FAM135B: variants seen among roughly 807,000 people sequenced by gnomAD.
FAM135B encodes the protein protein FAM135B.
Under a neutral mutation model 127.7 loss-of-function variants are expected in FAM135B, and 43 were observed. The observed-to-expected ratio is 0.34, with a 90% CI of 0.26 to 0.43. The LOEUF (loss-of-function observed/expected upper bound fraction) is 0.43, where lower values mean the gene tolerates loss of function less well. FAM135B is among the 20% of genes least tolerant of loss of function. FAM135B has a pLI of 1.00. For synonymous variants in FAM135B, 670 were observed against 665.1 expected, an observed-to-expected ratio of 1.01 and a Z score of -0.11; for missense variants, 1,558 against 1,725.6, an observed-to-expected ratio of 0.90 and a Z score of 1.72.
At chr8:138,349,094 T>C (rs915193458) in intron 2 of FAM135B, among the ~76,000 whole-genome samples, 1 of 152,232 alleles carries the variant, frequency 6.6e-6, no homozygotes, top group African/African-American at 2.4e-5. Context: ...CCTGGGACTT[T>C]CGTGGTCTTA....
intron 3 of FAM135B, among the ~76,000 whole-genome samples, chr8:138,274,102 G>A (rs906567595): frequency 1.3e-5 from 2 of 152,114 alleles, no homozygotes; most frequent in Non-Finnish European, 2.9e-5. Context: ...ACCCATACTA[G>A]TGAAATACTT....
chr8:138,193,041 C>G (rs886196466), intron 9 of FAM135B, among the ~76,000 whole-genome samples: 2 of 152,190 alleles, frequency 1.3e-5, no homozygotes, highest in African/African-American at 4.8e-5. Context: ...CTTTGCAATA[C>G]AGGATTCTCC....
intron 1 of FAM135B, among the ~76,000 whole-genome samples, chr8:138,464,188 G>A (rs1837272431): frequency 6.6e-6 from 1 of 152,156 alleles, no homozygotes; most frequent in Admixed American, 6.5e-5. Context: ...AGCCTATCAT[G>A]GTGGATGGGG....
chr8:138,266,251 T>C (rs1042355701), intron 3 of FAM135B, among the ~76,000 whole-genome samples: 2 of 152,136 alleles, frequency 1.3e-5, no homozygotes, highest in African/African-American at 4.8e-5. Context: ...CTACAAGGAC[T>C]TCCTAGTGCC....
chr8:138,340,539 C>T (rs1828972916), intron 2 of FAM135B, among the ~76,000 whole-genome samples: 1 of 152,100 alleles, frequency 6.6e-6, no homozygotes, highest in African/African-American at 2.4e-5. Context: ...AGGAGTTAAC[C>T]CAGGAGGGCC....
intron 5 of FAM135B, 105 bp from the exon 6 acceptor site, chr8:138,251,119 C>T: frequency 1.5e-6 from 2 of 1,292,176 alleles, no homozygotes; most frequent in South Asian, 1.3e-5. Flanking sequence ...ACCATGCATA[C>T]ATCATCTCGT....
At position 138,241,363 on chromosome 8, in the gene FAM135B, T is replaced by C. The variant is rs2130354508; in HGVS notation, c.669+1579A>G. On this transcript the variant is annotated intron_variant, in intron 7 of 19. Transcript: ENST00000395297. The surrounding 1 kb of genome is among the most constrained non-coding windows in gnomAD (Gnocchi z 4.8). ...GAGTCTACCCTGGAACTGGTCTTATTTGGCTCTAAAATCTGCTCCTTCCAT... is the reference window on the plus strand; with the variant it reads ...GAGTCTACCCTGGAACTGGTCTTATCTGGCTCTAAAATCTGCTCCTTCCAT... 6.6e-6 allele frequency among the ~76,000 whole-genome samples: 1 copy of C among 152,332 alleles called. No individual in the cohort carries two copies. Among genetic ancestry groups the C allele is most frequent in the South Asian group, 2.1e-4 (1 of 4,824 alleles).
At chr8:138,430,061 A>G (rs984545962) in intron 1 of FAM135B, among the ~76,000 whole-genome samples, 4 of 152,182 alleles carry the variant, frequency 2.6e-5, no homozygotes, top group Non-Finnish European at 5.9e-5. Flanking sequence ...AGCACTTTCT[A>G]GAGAAGGGCT....
intron 7 of FAM135B, among the ~76,000 whole-genome samples, chr8:138,211,677 T>A: frequency 6.6e-6 from 1 of 152,222 alleles, no homozygotes; most frequent in East Asian, 1.9e-4. Flanking sequence ...TGTTATCTGC[T>A]AGTACACTGC....
intron 7 of FAM135B, among the ~76,000 whole-genome samples, chr8:138,216,072 C>T (rs1818519808): frequency 6.6e-6 from 1 of 152,168 alleles, no homozygotes. Context: ...ACTACACCTA[C>T]AGACAAGGAG....
chr8:138,428,162 A>G (rs1309584451), intron 1 of FAM135B, among the ~76,000 whole-genome samples: 1 of 152,186 alleles, frequency 6.6e-6, no homozygotes, highest in African/African-American at 2.4e-5. Context: ...TAACAGAAAA[A>G]GATAAAATAA....
intron 3 of FAM135B, among the ~76,000 whole-genome samples, chr8:138,286,498 C>T (rs1030243250): frequency 6.6e-6 from 1 of 152,208 alleles, no homozygotes; most frequent in Admixed American, 6.5e-5. Context: ...ACTCAGAAAG[C>T]TTGGTATAGA....
At chr8:138,163,424 G>C (rs1480214960) in intron 12 of FAM135B, among the ~76,000 whole-genome samples, 1 of 152,094 alleles carries the variant, frequency 6.6e-6, no homozygotes, top group East Asian at 1.9e-4. Context: ...TGGTTTGGCT[G>C]TGTCCCCACC....
chr8:138,371,813 C>T (rs1010723333), intron 1 of FAM135B, among the ~76,000 whole-genome samples: 1 of 152,232 alleles, frequency 6.6e-6, no homozygotes, highest in African/African-American at 2.4e-5. Context: ...CTACTACAAC[C>T]AGTGCCACCC....
intron 2 of FAM135B, 91 bp downstream of exon 2, chr8:138,367,816 T>C: frequency 1.0e-6 from 1 of 990,792 alleles, no homozygotes; most frequent in Non-Finnish European, 1.5e-6. Flanking sequence ...TTTCCTATAA[T>C]CTGACTTCCC....
Position 138,242,373 on chromosome 8 carries a change from A to C in FAM135B, c.669+569T>G, listed in dbSNP as rs1274072381. On this transcript the variant is annotated intron_variant, in intron 7 of 19. Coordinates refer to ENST00000395297, the MANE Select transcript of FAM135B (RefSeq NM_015912.4). The surrounding 1 kb of genome is among the most constrained non-coding windows in gnomAD (Gnocchi z 9.6). ...GTGTGGTTAAAGCCCTGCACATCAC[A>C]GAAGAGCAGGGGATGTTTCCTAGGA... 2.0e-5 allele frequency among the ~76,000 whole-genome samples: 3 copies of C among 152,134 alleles called. No individual in the cohort carries two copies. The highest frequency in any genetic ancestry group is 4.4e-5 in the Non-Finnish European group (3 of 68,036).
intron 7 of FAM135B, among the ~76,000 whole-genome samples, chr8:138,225,642 A>G (rs1819368144): frequency 6.6e-6 from 1 of 152,152 alleles, no homozygotes; most frequent in Non-Finnish European, 1.5e-5. Flanking sequence ...TAAGGTCCAC[A>G]TAGTTTAATA....
intron 7 of FAM135B, among the ~76,000 whole-genome samples, chr8:138,215,426 C>T (rs980299520): frequency 1.3e-5 from 2 of 152,108 alleles, no homozygotes; most frequent in African/African-American, 2.4e-5. Flanking sequence ...AGAGCCATTT[C>T]CCTTATATCT....
intron 5 of FAM135B, among the ~76,000 whole-genome samples, chr8:138,253,301 C>T (rs1182990616): frequency 6.6e-6 from 1 of 152,142 alleles, no homozygotes; most frequent in Non-Finnish European, 1.5e-5. Context: ...CCTGTGCAAA[C>T]AGGTTCTGAT....
Sources: gnomAD v4.1 joint callset for allele counts (sites outside exome capture counted in the v4.1 genomes callset) on GRCh38, gnomAD v4.1.1 for gene constraint, Gnocchi (gnomAD v3.1) non-coding constraint, MANE v1.5 for transcripts, NCBI Gene and HGNC (gene_info 2026-07-23, HGNC 2026-07-21) for gene names.